Variants in NFATC2 observed in about 807,000 individuals in gnomAD.
NFATC2 encodes nuclear factor of activated T cells 2.
Under a neutral mutation model 87.3 loss-of-function variants are expected in NFATC2, and 22 were observed. That is an observed-to-expected ratio of 0.25 (90% confidence interval 0.18 to 0.36). The LOEUF is 0.36. NFATC2 is among the 10% of genes least tolerant of loss of function. The pLI, the probability that NFATC2 is intolerant of heterozygous loss-of-function variation, is 1.00. For synonymous variants in NFATC2, 565 were observed against 542.2 expected (o/e 1.04, Z -0.58); for missense variants, 1,149 against 1,259.1 (o/e 0.91, Z 1.32).
At chr20:51,531,638 T>C (rs1227305114) in intron 1 of NFATC2, among the ~76,000 whole-genome samples, 1 of 152,210 alleles carries the variant, frequency 6.6e-6, no homozygotes, top group Non-Finnish European at 1.5e-5. Flanking sequence ...GGAAACTCCA[T>C]GTCCTCATGT....
chr20:51,552,998 C>T (rs2076946872), intron 1 of NFATC2, among the ~76,000 whole-genome samples: 1 of 151,878 alleles, frequency 6.6e-6, no homozygotes, highest in South Asian at 2.1e-4. Context: ...CCCAGTGCTT[C>T]TTGTTCTCCT....
At chr20:51,562,771 G>A, upstream of NFATC2, 1 of 679,386 alleles carries the variant, frequency 1.5e-6, no homozygotes, top group African/African-American at 1.9e-5. The surrounding 1 kb of genome is among the most constrained non-coding windows in gnomAD (Gnocchi z 5.8). Context: ...CGGGAGCTGC[G>A]CGCCTCCCGG....
intron 1 of NFATC2, among the ~76,000 whole-genome samples, chr20:51,531,306 A>C (rs932324102): frequency 5.9e-5 from 9 of 152,268 alleles, no homozygotes; most frequent in African/African-American, 2.2e-4. Flanking sequence ...GAACTGATTC[A>C]GAAATGAGAC....
rs754016371 is a variant in NFATC2 at position 51,523,087 on chromosome 20, A to G, written c.1154T>C (p.Ile385Thr). 2.5e-6 allele frequency: 4 copies of G among 1,614,226 alleles called. No homozygotes were observed. The South Asian group carries it at 4.4e-5, about 18-fold the overall frequency. The change falls in exon 2 of 11, where the codon ATC becomes ACC. Residue 385 changes from isoleucine to threonine, a missense_variant. Ile to Thr is a moderately conservative substitution (Grantham distance 89). This residue lies in a region of NFATC2 where 563 missense variants were observed against 585.2 expected (regional missense o/e 0.96). Coordinates refer to ENST00000371564, the MANE Select transcript of NFATC2 (RefSeq NM_012340.5). The surrounding 1 kb of genome is among the most constrained non-coding windows in gnomAD (Gnocchi z 6.9). Reference sequence around the variant, plus strand: ...TTTTCAAAGCCCTGCTCACCTGCAGATGGGAATGGCAGGCACCAGCGGCTT... The same window carrying G: ...TTTTCAAAGCCCTGCTCACCTGCAGGTGGGAATGGCAGGCACCAGCGGCTT... ...WPKPLVPAIP[I>T]CSIPVTASLP... is the part of the protein sequence containing the mutation.
intron 5 of NFATC2, among the ~76,000 whole-genome samples, chr20:51,469,906 CA>C (rs1988040093): frequency 1.3e-5 from 2 of 152,198 alleles, no homozygotes; most frequent in Non-Finnish European, 2.9e-5. Context: ...TCTGTTGTTT[CA>C]AGCCACCTGG....
chr20:51,554,515 T>G (rs1260616374), intron 1 of NFATC2, among the ~76,000 whole-genome samples: 4 of 152,204 alleles, frequency 2.6e-5, no homozygotes, highest in African/African-American at 9.6e-5. Context: ...AGGAAAGAAA[T>G]AAATTGAATT....
intron 3 of NFATC2, among the ~76,000 whole-genome samples, chr20:51,515,402 TG>T (rs1024061097): frequency 1.1e-4 from 16 of 152,212 alleles, no homozygotes; most frequent in African/African-American, 3.9e-4. Flanking sequence ...ACTCCAGGCC[TG>T]CCCTAATGGG....
At chr20:51,395,420 T>TA (rs1348019294) in intron 10 of NFATC2, among the ~76,000 whole-genome samples, 2 of 152,206 alleles carry the variant, frequency 1.3e-5, no homozygotes, top group Non-Finnish European at 2.9e-5. Context: ...AGGGGACGGC[T>TA]ATGGCAGACT....
chr20:51,410,566 GAGAA>G (rs949973275), intron 9 of NFATC2, among the ~76,000 whole-genome samples: 15 of 151,848 alleles, frequency 9.9e-5, no homozygotes, highest in Admixed American at 2.0e-4. Flanking sequence ...GAAAGAGGGA[GAGAA>G]AGGGAGGGAG....
chr20:51,536,898 AACACACACAC>A (rs10648135), intron 1 of NFATC2, among the ~76,000 whole-genome samples: 4 of 149,682 alleles, frequency 2.7e-5, no homozygotes, highest in Non-Finnish European at 5.9e-5. Flanking sequence ...GCAAGCACCA[AACACACACAC>A]ACACACACAC....
intron 1 of NFATC2, among the ~76,000 whole-genome samples, chr20:51,554,388 C>G (rs550314527): frequency 2.0e-5 from 3 of 152,338 alleles, no homozygotes; most frequent in African/African-American, 7.2e-5. Flanking sequence ...ACAAGCACCT[C>G]TGGACTCAGT....
intron 4 of NFATC2, among the ~76,000 whole-genome samples, chr20:51,474,971 AT>A (rs370019272): frequency 0.036 from 5,023 of 141,150 alleles, 247 homozygotes; most frequent in African/African-American, 0.12. Context: ...TACTTTATTT[AT>A]TTTTTTTTTT....
At chr20:51,436,409 T>A (rs867299149) in intron 6 of NFATC2, among the ~76,000 whole-genome samples, 46 of 149,630 alleles carry the variant, frequency 3.1e-4, no homozygotes, top group African/African-American at 9.3e-4. Context: ...TTTTTTTTTT[T>A]AAAAAGGCAT....
At chr20:51,431,450 T>C (rs1385650785) in intron 9 of NFATC2, among the ~76,000 whole-genome samples, 1 of 152,182 alleles carries the variant, frequency 6.6e-6, no homozygotes, top group East Asian at 1.9e-4. Context: ...CATCTTTTCC[T>C]TGGCCCAAAC....
intron 2 of NFATC2, among the ~76,000 whole-genome samples, chr20:51,519,480 C>T (rs570302719): frequency 6.6e-6 from 1 of 150,726 alleles, no homozygotes; most frequent in Admixed American, 6.6e-5. Context: ...AAAAATTAGC[C>T]AGGCATAGTG....
chr20:51,398,851 C>T (rs960867470), intron 9 of NFATC2, 121 bp from the exon 10 acceptor site: 3 of 696,290 alleles, frequency 4.3e-6, no homozygotes, highest in Admixed American at 4.9e-5. Context: ...CCCTTTGGCT[C>T]TAGTTTAAGC....
In NFATC2 at chr20:51,432,695, G is replaced by A; in HGVS notation, c.2094C>T (p.Thr698=). Residue 698 remains threonine, a synonymous_variant, in exon 9 of 11, where the codon ACC becomes ACT. Coordinates refer to ENST00000371564, the MANE Select transcript of NFATC2 (RefSeq NM_012340.5). The surrounding 1 kb of genome is among the most constrained non-coding windows in gnomAD (Gnocchi z 4.6). ...AAGGCTGGCTCCCCAGGCCTCCATG[G>A]GTGGGGCTGCAGATCAGAGTGGGGT... ...EYDPTLICSP[T]HGGLGSQPYY... is the part of the protein sequence containing the mutation. 1 of 1,583,340 alleles carries A rather than the reference G, an allele frequency of 6.3e-7. No individual in the cohort carries two copies. The highest frequency in any genetic ancestry group is 1.7e-4 in the Middle Eastern group (1 of 5,796).
At position 51,432,883 on chromosome 20, in the gene NFATC2, C is replaced by T; in HGVS notation, c.2033-127G>A. The T allele has an allele frequency of 5.2e-6, 4 of 768,986 alleles. No homozygotes were observed. Among genetic ancestry groups the T allele is most frequent in the Non-Finnish European group, 7.5e-6 (4 of 532,250 alleles). The allele number at this position is 768,986 out of a possible 1,614,324, so 47.6% of individuals were successfully genotyped here. A position where few individuals can be genotyped will look rare whatever the true frequency, so the allele number is the denominator to read the frequency against. ...ATACGGGTGGGACAAACAGCTGGTC[C>T]CTGTCACTTATCAGCCTTGGGCAAA... is the stretch of plus-strand genomic sequence containing the variant. On this transcript the variant is annotated intron_variant, in intron 8 of 10. Transcript: ENST00000371564. This position sits in a 1 kb window ranked among gnomAD's most constrained non-coding sequence, Gnocchi z 4.6.
At chr20:51,506,354 T>C (rs73271898) in intron 3 of NFATC2, among the ~76,000 whole-genome samples, 3,830 of 152,266 alleles carry the variant, frequency 0.025, 162 homozygotes, top group African/African-American at 0.087. Flanking sequence ...AAGTGCTCAG[T>C]AAACATGCAT....
Sources: gnomAD v4.1 joint callset for allele counts (sites outside exome capture counted in the v4.1 genomes callset) on GRCh38, gnomAD v4.1.1 for gene constraint, gnomAD v4.1.1 regional missense constraint, Gnocchi (gnomAD v3.1) non-coding constraint, MANE v1.5 for transcripts, NCBI Gene and HGNC (gene_info 2026-07-23, HGNC 2026-07-21) for gene names.